PGAP4: variants seen among roughly 807,000 people sequenced by gnomAD.
PGAP4 encodes post-GPI attachment to proteins GalNAc transferase 4.
Under a neutral mutation model 28.2 loss-of-function variants are expected in PGAP4, and 12 were observed. The ratio of observed to expected loss-of-function variants is 0.42; its 90% confidence interval spans 0.27 to 0.69. PGAP4 has a LOEUF of 0.69. Among genes scored for constraint, PGAP4 ranks in the 30% least tolerant of loss-of-function variants. The pLI, the probability that PGAP4 is intolerant of heterozygous loss-of-function variation, is 0.22. For missense variants in PGAP4, 425 were observed against 513.5 expected, an observed-to-expected ratio of 0.83 and a Z score of 1.67; for synonymous variants, 205 against 211.8, an observed-to-expected ratio of 0.97 and a Z score of 0.28.
chr9:101,491,167 G>A (rs1307426245), upstream of PGAP4, among the ~76,000 whole-genome samples: 1 of 152,158 alleles, frequency 6.6e-6, no homozygotes, highest in Non-Finnish European at 1.5e-5. Context: ...ATGTGGTAGA[G>A]CAAGGCAATG....
intron 1 of PGAP4, among the ~76,000 whole-genome samples, chr9:101,482,058 C>T (rs1826505328): frequency 6.6e-6 from 1 of 152,120 alleles, no homozygotes; most frequent in Admixed American, 6.6e-5. Context: ...GATCTAGGTC[C>T]AATTCTCGTC....
In PGAP4 at chr9:101,527,858, A is replaced by G. The variant is rs546968987; in HGVS notation, c.-165+3490T>C. Among the ~76,000 whole-genome samples the G allele has an allele frequency of 2.5e-4, 38 of 152,334 alleles. No homozygotes were observed. The South Asian group carries it at 7.7e-3, about 31-fold the overall frequency. ...TTAAGGCCCTCCTTGCTGTGTGTAT[A>G]CAGCATGACATGGATTCTTTAGAAT... On this transcript the variant is annotated intron_variant, in intron 2 of 3. Coordinates refer to the PGAP4 transcript ENST00000374851.
intron 2 of PGAP4, among the ~76,000 whole-genome samples, chr9:101,520,372 A>G (rs188533530): frequency 4.6e-5 from 7 of 152,184 alleles, no homozygotes; most frequent in South Asian, 2.1e-4. Flanking sequence ...TGTTCATGTC[A>G]TCTATGATTT....
chr9:101,505,239 C>T (rs768902744), intron 2 of PGAP4, among the ~76,000 whole-genome samples: 48 of 151,792 alleles, frequency 3.2e-4, no homozygotes, highest in Admixed American at 2.7e-3. Flanking sequence ...AAAGATAATT[C>T]AGAATTACAA....
intron 2 of PGAP4, among the ~76,000 whole-genome samples, chr9:101,511,964 A>G (rs1360614981): frequency 6.6e-6 from 1 of 152,140 alleles, no homozygotes; most frequent in Non-Finnish European, 1.5e-5. Flanking sequence ...GTCTCTCTCC[A>G]GCCAGAATGA....
chr9:101,473,282 G>A lies in PGAP4; in HGVS notation c.*2599C>T, dbSNP rs1360040410. On this transcript the variant is annotated 3_prime_UTR_variant, in exon 2 of 2. Transcript: ENST00000374848. ...AATTTAAACTCTGAAAGGTGAGTGA[G>A]CCTGTTAAGAGACCTCCACCCTTCT... 6.6e-6 allele frequency: 1 copy of A among 152,220 alleles called. No homozygotes were observed. The highest frequency in any genetic ancestry group is 1.5e-5 in the Non-Finnish European group (1 of 68,052). The allele number at this position is 152,220 out of a possible 1,614,324, so 9.4% of individuals were successfully genotyped here. A position where few individuals can be genotyped will look rare whatever the true frequency, so the allele number is the denominator to read the frequency against.
intron 2 of PGAP4, among the ~76,000 whole-genome samples, chr9:101,528,960 C>G (rs535945692): frequency 6.6e-6 from 1 of 151,794 alleles, no homozygotes; most frequent in Admixed American, 6.6e-5. Flanking sequence ...TCACTAGGCC[C>G]TGGTTTGTGT....
chr9:101,510,688 C>T (rs1036598428), intron 2 of PGAP4, among the ~76,000 whole-genome samples: 1 of 152,104 alleles, frequency 6.6e-6, no homozygotes, highest in South Asian at 2.1e-4. Context: ...GTTTTTTACT[C>T]ATTTTGGCTA....
chr9:101,520,976 C>A (rs1392645294), intron 2 of PGAP4, among the ~76,000 whole-genome samples: 2 of 152,086 alleles, frequency 1.3e-5, no homozygotes, highest in African/African-American at 4.8e-5. Context: ...TTGAGATGAT[C>A]ATGTGATTTT....
rs1826217226 is a variant in PGAP4, at chr9:101,473,674, A to G, written c.*2207T>C. On this transcript the variant is annotated 3_prime_UTR_variant, in exon 2 of 2. Coordinates refer to ENST00000374848, the MANE Select transcript of PGAP4 (RefSeq NM_032342.3). ...ATGTCTGCATGCAATAGACAACTGA[A>G]TTAGAAAGAGCAGAAATGTAAACCA... The G allele has an allele frequency of 6.6e-6, 1 of 152,274 alleles. No homozygotes were observed. The highest frequency in any genetic ancestry group is 2.1e-4 in the South Asian group (1 of 4,830). The allele number at this position is 152,274 out of a possible 1,614,324, so 9.4% of individuals were successfully genotyped here. A position where few individuals can be genotyped will look rare whatever the true frequency, so the allele number is the denominator to read the frequency against.
chr9:101,483,418 A>G (rs1424197921), intron 1 of PGAP4, among the ~76,000 whole-genome samples: 1 of 152,174 alleles, frequency 6.6e-6, no homozygotes, highest in Non-Finnish European at 1.5e-5. Flanking sequence ...CCCATTTTAT[A>G]CTTTAGAAAA....
At chr9:101,484,927 C>T (rs1826578945) in intron 1 of PGAP4, among the ~76,000 whole-genome samples, 1 of 150,126 alleles carries the variant, frequency 6.7e-6, no homozygotes, top group South Asian at 2.1e-4. Flanking sequence ...ATGGGGATGG[C>T]AATTTCCTGT....
At chr9:101,522,750 T>G (rs2118630512) in intron 2 of PGAP4, among the ~76,000 whole-genome samples, 1 of 152,354 alleles carries the variant, frequency 6.6e-6, no homozygotes, top group South Asian at 2.1e-4. Flanking sequence ...GCATTTATCA[T>G]GTTTTTGTTG....
At chr9:101,527,021 T>C (rs547247197) in intron 2 of PGAP4, among the ~76,000 whole-genome samples, 111 of 152,340 alleles carry the variant, frequency 7.3e-4, no homozygotes, top group African/African-American at 2.6e-3. Flanking sequence ...ACTACCATCA[T>C]CCTGCAATAA....
intron 1 of PGAP4, among the ~76,000 whole-genome samples, chr9:101,485,888 C>A (rs371379340): frequency 3.1e-4 from 47 of 152,040 alleles, no homozygotes; most frequent in African/African-American, 1.1e-3. Flanking sequence ...CATAAAGTAC[C>A]TAGTGCAGTG....
At chr9:101,496,496 A>G (rs1276640302) in intron 2 of PGAP4, among the ~76,000 whole-genome samples, 2 of 151,658 alleles carry the variant, frequency 1.3e-5, no homozygotes, top group East Asian at 1.9e-4. Context: ...GTAGAAGACC[A>G]TAATTTTTAG....
intron 2 of PGAP4, among the ~76,000 whole-genome samples, chr9:101,506,265 T>A (rs1826848104): frequency 6.6e-6 from 1 of 152,118 alleles, no homozygotes; most frequent in African/African-American, 2.4e-5. Flanking sequence ...CCATTGGACA[T>A]CTCACCCAAT....
At chr9:101,489,481 C>T (rs1588202603), upstream of PGAP4, among the ~76,000 whole-genome samples, 1 of 152,030 alleles carries the variant, frequency 6.6e-6, no homozygotes, top group African/African-American at 2.4e-5. Flanking sequence ...TATCCTAGGC[C>T]TGATGAGCAA....
At chr9:101,498,497 A>T (rs1313959627) in intron 2 of PGAP4, among the ~76,000 whole-genome samples, 3 of 144,514 alleles carry the variant, frequency 2.1e-5, no homozygotes, top group East Asian at 2.0e-4. Flanking sequence ...CCCTTTAAGA[A>T]TTTTTTTTTT....
Sources: gnomAD v4.1 joint callset for allele counts (sites outside exome capture counted in the v4.1 genomes callset) on GRCh38, gnomAD v4.1.1 for gene constraint, MANE v1.5 for transcripts, NCBI Gene and HGNC (gene_info 2026-07-23, HGNC 2026-07-21) for gene names.